The following ADAMTSL1 variants were observed in gnomAD, a reference collection of about 807,000 sequenced individuals.
The protein encoded by ADAMTSL1 is ADAMTS like 1, also known as ADAMTS-like protein 1.
In ADAMTSL1, 126 loss-of-function variants were observed where a neutral mutation model predicts 201.8. That is an observed-to-expected ratio of 0.62 (90% CI 0.54 to 0.72). ADAMTSL1 has a LOEUF of 0.72. Ranked by LOEUF, ADAMTSL1 falls within the 30% of genes least tolerant of loss-of-function variation. The pLI is 0.00. For missense variants in ADAMTSL1, 2,679 were observed against 2,277.8 expected (o/e 1.18, Z -3.59); for synonymous variants, 1,121 against 903.4 (o/e 1.24, Z -4.32).
chr9:18,578,151 G>A (rs1822857664), intron 4 of ADAMTSL1, among the ~76,000 whole-genome samples: 2 of 152,106 alleles, frequency 1.3e-5, no homozygotes, highest in South Asian at 4.1e-4. Flanking sequence ...AAGGCAGAGA[G>A]TGCTGGTGTT....
At chr9:17,973,036 T>C (rs1399640531) in intron 1 of ADAMTSL1, among the ~76,000 whole-genome samples, 1 of 35,784 alleles carries the variant, frequency 2.8e-5, no homozygotes, top group African/African-American at 8.1e-5. Flanking sequence ...GTAAATTTGT[T>C]TGAGTTCATT....
At chr9:18,717,532 C>G (rs747896655) in intron 14 of ADAMTSL1, among the ~76,000 whole-genome samples, 10 of 152,066 alleles carry the variant, frequency 6.6e-5, no homozygotes, top group African/African-American at 2.4e-4. Flanking sequence ...ATCAAAGAAG[C>G]AAAGTCATCT....
chr9:18,012,297 C>G (rs955957190), intron 1 of ADAMTSL1, among the ~76,000 whole-genome samples: 1 of 151,998 alleles, frequency 6.6e-6, no homozygotes, highest in South Asian at 2.1e-4. Flanking sequence ...AAAGTTGCTG[C>G]TTTCCAGGGT....
intron 1 of ADAMTSL1, among the ~76,000 whole-genome samples, chr9:18,082,329 A>T (rs560818136): frequency 6.6e-6 from 1 of 152,256 alleles, no homozygotes; most frequent in East Asian, 1.9e-4. Context: ...AGATTAAACG[A>T]CCATTTTTTC....
intron 1 of ADAMTSL1, among the ~76,000 whole-genome samples, chr9:18,082,784 G>A (rs992360852): frequency 6.6e-6 from 1 of 152,134 alleles, no homozygotes; most frequent in African/African-American, 2.4e-5. Flanking sequence ...AGAGGCAGAG[G>A]TAAGAAAGAA....
intron 16 of ADAMTSL1, among the ~76,000 whole-genome samples, chr9:18,767,440 G>T (rs1820427548): frequency 6.6e-6 from 1 of 151,988 alleles, no homozygotes; most frequent in African/African-American, 2.4e-5. Flanking sequence ...GAATGAACAA[G>T]AAAAGTTTAG....
At chr9:18,090,360 C>G (rs1331850041) in intron 1 of ADAMTSL1, among the ~76,000 whole-genome samples, 3 of 152,146 alleles carry the variant, frequency 2.0e-5, no homozygotes, top group Non-Finnish European at 1.5e-5. Context: ...TGTCCACTGA[C>G]AGACCAATGA....
At position 18,496,657 on chromosome 9, in the gene ADAMTSL1, A is replaced by G. The variant is rs373043267; in HGVS notation, c.64-8172A>G. 1.1e-4 allele frequency among the ~76,000 whole-genome samples: 16 copies of G among 152,334 alleles called. No homozygotes were observed. The South Asian group carries it at 2.7e-3, about 26-fold the overall frequency. On this transcript the variant is annotated intron_variant, in intron 1 of 28. Transcript: ENST00000380548. ...TTTTGCCCATCAAACCCTAAGCCAT[A>G]TTAATCTATTAACGTTCCAGTTTCC...
intron 5 of ADAMTSL1, among the ~76,000 whole-genome samples, chr9:18,632,959 T>G (rs552771193): frequency 2.6e-5 from 4 of 152,232 alleles, no homozygotes; most frequent in South Asian, 2.1e-4. Flanking sequence ...CTCTCTTTTT[T>G]GGGGGTGCAT....
chr9:18,248,412 A>G (rs902636124), intron 2 of ADAMTSL1, among the ~76,000 whole-genome samples: 5 of 152,164 alleles, frequency 3.3e-5, no homozygotes, highest in African/African-American at 1.2e-4. Flanking sequence ...GCCAAGGTGT[A>G]TTCAGCCAGT....
chr9:18,596,220 G>A (rs112013872), intron 4 of ADAMTSL1, among the ~76,000 whole-genome samples: 1,941 of 152,284 alleles, frequency 0.013, 47 homozygotes, highest in African/African-American at 0.044. Context: ...GGACATGAAC[G>A]TAAGTGTTAT....
chr9:18,043,847 T>G (rs75112391), intron 1 of ADAMTSL1, among the ~76,000 whole-genome samples: 3,461 of 151,830 alleles, frequency 0.023, 127 homozygotes, highest in African/African-American at 0.078. Context: ...ACTTTAGATA[T>G]GGTGAGCTTT....
At chr9:18,459,710 C>A (rs765577391) in intron 2 of ADAMTSL1, among the ~76,000 whole-genome samples, 11 of 152,110 alleles carry the variant, frequency 7.2e-5, no homozygotes, top group Non-Finnish European at 1.6e-4. Flanking sequence ...TCCAGCAGAA[C>A]TAAGGAGACT....
At chr9:18,580,694 T>G (rs1468544618) in intron 4 of ADAMTSL1, among the ~76,000 whole-genome samples, 1 of 152,206 alleles carries the variant, frequency 6.6e-6, no homozygotes, top group East Asian at 1.9e-4. Context: ...AGTGATACAT[T>G]TTTAGAGTTA....
intron 2 of ADAMTSL1, chr9:18,360,460 C>A (rs1836467430): frequency 6.6e-6 from 1 of 152,046 alleles, no homozygotes; most frequent in Non-Finnish European, 1.5e-5. Context: ...GCTTCAGTGC[C>A]CTCTTCCATA....
chr9:18,295,914 T>C (rs1440434771), intron 2 of ADAMTSL1, among the ~76,000 whole-genome samples: 1 of 152,202 alleles, frequency 6.6e-6, no homozygotes, highest in Non-Finnish European at 1.5e-5. Flanking sequence ...GAGAGATCTG[T>C]CACGACCTTA....
At chr9:18,738,015 A>C (rs190438344) in intron 15 of ADAMTSL1, among the ~76,000 whole-genome samples, 25 of 152,178 alleles carry the variant, frequency 1.6e-4, no homozygotes, top group Non-Finnish European at 3.4e-4. Context: ...TACCTACCTC[A>C]TAGGGGTTTT....
chr9:18,288,473 T>A (rs1328304489), intron 2 of ADAMTSL1, among the ~76,000 whole-genome samples: 1 of 152,182 alleles, frequency 6.6e-6, no homozygotes, highest in Non-Finnish European at 1.5e-5. Flanking sequence ...CCTTTAAAAC[T>A]GAGTTAGGTT....
chr9:18,324,512 C>T (rs1476878381), intron 2 of ADAMTSL1, among the ~76,000 whole-genome samples: 1 of 151,458 alleles, frequency 6.6e-6, no homozygotes, highest in Non-Finnish European at 1.5e-5. Flanking sequence ...TGCCTGTAAT[C>T]CCAACATTTT....
Sources: gnomAD v4.1 joint callset for allele counts (sites outside exome capture counted in the v4.1 genomes callset) on GRCh38, gnomAD v4.1.1 for gene constraint, MANE v1.5 for transcripts, NCBI Gene and HGNC (gene_info 2026-07-23, HGNC 2026-07-21) for gene names.